Variants in SGSM1 observed in about 807,000 individuals in gnomAD.
The protein encoded by SGSM1 is RUN and TBC1 domain containing 2.
In SGSM1, 73 loss-of-function variants were observed where a neutral mutation model predicts 133.8. The observed-to-expected ratio is 0.55, with a 90% CI of 0.45 to 0.66. SGSM1 has a LOEUF of 0.66. Among genes scored for constraint, SGSM1 ranks in the 30% least tolerant of loss-of-function variants. SGSM1 has a pLI of 0.00. For missense variants in SGSM1, 1,213 were observed against 1,448.1 expected (o/e 0.84, Z 2.64); for synonymous variants, 563 against 573.0 (o/e 0.98, Z 0.25).
chr22:24,890,133 T>C (rs1288130010), intron 16 of SGSM1, among the ~76,000 whole-genome samples: 1 of 152,056 alleles, frequency 6.6e-6, no homozygotes, highest in Non-Finnish European at 1.5e-5. Flanking sequence ...ATTTTTTGTA[T>C]TTTTAGCAGA....
intron 12 of SGSM1, among the ~76,000 whole-genome samples, chr22:24,872,922 A>G (rs1931838051): frequency 6.6e-6 from 1 of 151,996 alleles, no homozygotes; most frequent in Admixed American, 6.5e-5. Flanking sequence ...CCATCTCAAA[A>G]AAAAAAAAGA....
intron 9 of SGSM1, among the ~76,000 whole-genome samples, chr22:24,860,922 A>AAAAATATATATATATATAT (rs1555926666): frequency 1.3e-4 from 5 of 37,604 alleles, no homozygotes; most frequent in African/African-American, 7.7e-4. Context: ...AAAAAAAAAA[A>AAAAATATATATATATATAT]ATATATATAT....
intron 17 of SGSM1, among the ~76,000 whole-genome samples, chr22:24,894,869 G>A (rs1241876589): frequency 1.3e-5 from 2 of 151,682 alleles, no homozygotes; most frequent in Non-Finnish European, 3.0e-5. Flanking sequence ...ATGTATACAG[G>A]GATCATGGGA....
chr22:24,885,418 C>A, intron 15 of SGSM1, among the ~76,000 whole-genome samples: 1 of 148,186 alleles, frequency 6.7e-6, no homozygotes. Context: ...TTTCGATTAG[C>A]GACACACATT....
At chr22:24,806,631 G>T in intron 2 of SGSM1, 147 bp downstream of exon 2, 2 of 974,430 alleles carry the variant, frequency 2.1e-6, no homozygotes, top group Non-Finnish European at 2.8e-6. Context: ...TTGACCTCCC[G>T]CAGGGCAGGA....
At chr22:24,909,965 T>C (rs1601985267) in intron 21 of SGSM1, among the ~76,000 whole-genome samples, 1 of 152,320 alleles carries the variant, frequency 6.6e-6, no homozygotes, top group African/African-American at 2.4e-5. Context: ...AAATTATGAA[T>C]GCATAAACAA....
intron 9 of SGSM1, among the ~76,000 whole-genome samples, chr22:24,864,956 G>T (rs1219280443): frequency 6.6e-6 from 1 of 152,204 alleles, no homozygotes; most frequent in African/African-American, 2.4e-5. Context: ...TGTAAGATGG[G>T]AATGTAGTCA....
At position 24,868,443 on chromosome 22, in the gene SGSM1, C is replaced by G. The variant is rs1931578023; in HGVS notation, c.1062C>G (p.Pro354=). The G allele has an allele frequency of 6.2e-7, 1 of 1,613,904 alleles. No homozygotes were observed. The highest frequency in any genetic ancestry group is 8.5e-7 in the Non-Finnish European group (1 of 1,179,872). ...DGIQRPPFRF[P]KGGHLLQFLS... is the part of the protein sequence containing the mutation. The stretch of plus-strand genomic sequence containing the variant: ...TCCAGAGGCCGCCCTTCCGCTTCCC[C>G]AAGGGCGGGCACCTCCTGCAGTTCC... Residue 354 remains proline (P), a synonymous_variant, in exon 11 of 25, where the codon CCC becomes CCG. Transcript: ENST00000400358.
At chr22:24,839,324 A>G (rs1569141534) in intron 2 of SGSM1, among the ~76,000 whole-genome samples, 1 of 152,182 alleles carries the variant, frequency 6.6e-6, no homozygotes, top group Non-Finnish European at 1.5e-5. Context: ...TCAGCCTCCC[A>G]AAGTGCTGGG....
chr22:24,833,096 G>A (rs148307310), intron 2 of SGSM1, among the ~76,000 whole-genome samples: 1,841 of 151,684 alleles, frequency 0.012, 52 homozygotes, highest in African/African-American at 0.042. Flanking sequence ...CACCACGCCC[G>A]GCTAATTTTT....
In SGSM1 at chr22:24,905,166, C is replaced by T; in HGVS notation, c.2797C>T (p.Leu933=). 1 of 1,614,020 alleles carries T rather than the reference C, an allele frequency of 6.2e-7. No individual in the cohort carries two copies. The highest frequency in any genetic ancestry group is 8.5e-7 in the Non-Finnish European group (1 of 1,179,884). ...GGGCATGTGTGATCTTCTGGCTCCA[C>T]TGCTGGTCATTCTGGATGATGGTGA... is the stretch of plus-strand genomic sequence containing the variant. ...VQGMCDLLAP[L]LVILDDEALA... The change falls in exon 21 of 25, where the codon CTG becomes TTG. Residue 933 remains leucine (L), a synonymous_variant. Transcript: ENST00000400358.
intron 12 of SGSM1, among the ~76,000 whole-genome samples, chr22:24,872,942 A>T (rs1220298608): frequency 6.6e-6 from 1 of 151,656 alleles, no homozygotes; most frequent in Non-Finnish European, 1.5e-5. Flanking sequence ...AAATTTTTTT[A>T]AATTACATAT....
chr22:24,852,455 T>C (rs764749362), intron 5 of SGSM1, among the ~76,000 whole-genome samples: 1 of 152,170 alleles, frequency 6.6e-6, no homozygotes, highest in Non-Finnish European at 1.5e-5. Flanking sequence ...AATTTATTTT[T>C]ATTTTTGAGA....
rs755280717 is a variant in SGSM1 at position 24,898,064 on chromosome 22, C to T, written c.2115C>T (p.Asn705=). 15 of 1,613,812 alleles carry T rather than the reference C, an allele frequency of 9.3e-6. No homozygotes were observed. The highest frequency in any genetic ancestry group is 8.9e-5 in the East Asian group (4 of 44,886). Residue 705 remains asparagine (N), a synonymous_variant, in exon 19 of 25, where the codon AAC becomes AAT. Coordinates refer to ENST00000400358, the MANE Select transcript of SGSM1 (RefSeq NM_001098497.3). ...QPKIPNGNLV[N]GTCSPDSGHP... ...AGATCCCCAATGGGAACCTAGTGAA[C>T]GGCACTTGTTCCCCAGACTCGGGTC...
At chr22:24,901,993 G>A in intron 20 of SGSM1, 36 bp downstream of exon 20, 1 of 409,804 alleles carries the variant, frequency 2.4e-6, no homozygotes, top group Non-Finnish European at 4.8e-6. Flanking sequence ...AGGGGATGGG[G>A]ATGGTGGGTG....
At chr22:24,916,673 G>A (rs1569179111) in intron 22 of SGSM1, among the ~76,000 whole-genome samples, 1 of 152,024 alleles carries the variant, frequency 6.6e-6, no homozygotes, top group Non-Finnish European at 1.5e-5. Context: ...ACTTCAGCCT[G>A]GGCAATAGAG....
At chr22:24,865,605 T>G (rs1276709314) in intron 9 of SGSM1, among the ~76,000 whole-genome samples, 1 of 152,024 alleles carries the variant, frequency 6.6e-6, no homozygotes, top group African/African-American at 2.4e-5. Context: ...GAAGTGGGAT[T>G]TGAACGCTGC....
At chr22:24,845,099 G>A in intron 3 of SGSM1, 127 bp downstream of exon 3, 1 of 816,308 alleles carries the variant, frequency 1.2e-6, no homozygotes, top group Non-Finnish European at 2.0e-6. Flanking sequence ...GGACTCGATT[G>A]GAGAATTTGA....
intron 3 of SGSM1, among the ~76,000 whole-genome samples, chr22:24,845,414 G>A (rs139661): frequency 0.2 from 29,832 of 152,118 alleles, 3,044 homozygotes; most frequent in Middle Eastern, 0.29. Flanking sequence ...GGCTCAGAGC[G>A]TGACTCAGAC....
Sources: allele counts gnomAD v4.1 joint callset (sites outside exome capture counted in the v4.1 genomes callset), GRCh38; gene constraint gnomAD v4.1.1; transcripts MANE v1.5; gene names NCBI Gene and HGNC (gene_info 2026-07-23, HGNC 2026-07-21).